Variants in NR2F1-AS1 observed in about 807,000 individuals in gnomAD.
NR2F1-AS1 encodes NR2F1 antisense RNA 1.
chr5:93,436,317 T>C (rs1258157971), intron 4 of NR2F1-AS1, among the ~76,000 whole-genome samples: 1 of 152,162 alleles, frequency 6.6e-6, no homozygotes, highest in East Asian at 1.9e-4. Flanking sequence ...AACTCACTTT[T>C]CCCTGAGAAC....
intron 4 of NR2F1-AS1, among the ~76,000 whole-genome samples, chr5:93,448,592 C>A (rs1749766948): frequency 6.6e-6 from 1 of 152,224 alleles, no homozygotes; most frequent in Non-Finnish European, 1.5e-5. Flanking sequence ...CATAATAAAG[C>A]ATTGGCTCAC....
intron 4 of NR2F1-AS1, among the ~76,000 whole-genome samples, chr5:93,510,605 AT>A: frequency 6.6e-6 from 1 of 152,142 alleles, no homozygotes; most frequent in East Asian, 1.9e-4. Flanking sequence ...TCCTCCAGCT[AT>A]TTTCTTTTAG....
chr5:93,544,002 A>G (rs1752017731), intron 4 of NR2F1-AS1: 1 of 152,232 alleles, frequency 6.6e-6, no homozygotes, highest in African/African-American at 2.4e-5. Flanking sequence ...AGTCATGGCC[A>G]CAGTTCAATG....
At chr5:93,411,020 C>A (rs1262348497) in intron 4 of NR2F1-AS1, 2 of 152,076 alleles carry the variant, frequency 1.3e-5, no homozygotes, top group African/African-American at 2.4e-5. Context: ...ACAGAATATA[C>A]TTTTCCATTC....
chr5:93,552,651 T>C (rs1215166611), intron 4 of NR2F1-AS1, among the ~76,000 whole-genome samples: 2 of 146,242 alleles, frequency 1.4e-5, no homozygotes, highest in Non-Finnish European at 3.0e-5. Context: ...AGAAGAAAAA[T>C]TGAAAGATAA....
chr5:93,549,264 G>A (rs918313084), intron 4 of NR2F1-AS1, among the ~76,000 whole-genome samples: 7 of 151,974 alleles, frequency 4.6e-5, no homozygotes, highest in Non-Finnish European at 8.8e-5. Context: ...TATTCTATAC[G>A]TTCATATAAA....
intron 4 of NR2F1-AS1, among the ~76,000 whole-genome samples, chr5:93,538,066 C>T (rs1209392678): frequency 6.6e-6 from 1 of 152,112 alleles, no homozygotes; most frequent in Non-Finnish European, 1.5e-5. Flanking sequence ...CTGTCTAGGG[C>T]TAGTTCCTTC....
At chr5:93,497,340 T>G (rs1162597118) in intron 4 of NR2F1-AS1, among the ~76,000 whole-genome samples, 2 of 152,174 alleles carry the variant, frequency 1.3e-5, no homozygotes, top group Non-Finnish European at 2.9e-5. Context: ...ACTCCCCTCA[T>G]CACCACAGCT....
chr5:93,583,293 CTCT>C (rs1341957065), upstream of NR2F1-AS1: 7 of 151,134 alleles, frequency 4.6e-5, no homozygotes, highest in Non-Finnish European at 1.0e-4. Flanking sequence ...CTCTCTCTCT[CTCT>C]TCTTCTCTTC....
At chr5:93,471,757 G>A (rs187791239) in intron 4 of NR2F1-AS1, among the ~76,000 whole-genome samples, 50 of 151,958 alleles carry the variant, frequency 3.3e-4, no homozygotes, top group Admixed American at 3.3e-3. Context: ...GTCATAAGTT[G>A]ATGACTGTAA....
At chr5:93,581,719 T>C (rs80173988), upstream of NR2F1-AS1, among the ~76,000 whole-genome samples, 9 of 60,652 alleles carry the variant, frequency 1.5e-4, no homozygotes, top group African/African-American at 7.5e-4. Context: ...TCTCTCTCTC[T>C]CTCTCTCTCT....
chr5:93,521,758 A>G (rs1751505564), intron 4 of NR2F1-AS1, among the ~76,000 whole-genome samples: 1 of 152,200 alleles, frequency 6.6e-6, no homozygotes, highest in African/African-American at 2.4e-5. Context: ...CTTATGCACT[A>G]TTGGTGGAAA....
intron 4 of NR2F1-AS1, among the ~76,000 whole-genome samples, chr5:93,426,973 T>C (rs1749208739): frequency 6.6e-6 from 1 of 152,188 alleles, no homozygotes; most frequent in African/African-American, 2.4e-5. Context: ...GGGACTTGCA[T>C]AATTTTTCTG....
chr5:93,478,537 G>T (rs1007266608), intron 4 of NR2F1-AS1, among the ~76,000 whole-genome samples: 3 of 152,134 alleles, frequency 2.0e-5, no homozygotes, highest in Admixed American at 2.0e-4. Flanking sequence ...CTGAGTAGCT[G>T]AGATTACAGG....
intron 4 of NR2F1-AS1, among the ~76,000 whole-genome samples, chr5:93,484,209 G>A (rs186872422): frequency 6.6e-6 from 1 of 152,110 alleles, no homozygotes; most frequent in African/African-American, 2.4e-5. Context: ...GAGAAAGATC[G>A]GGTTACCCAC....
intron 4 of NR2F1-AS1, among the ~76,000 whole-genome samples, chr5:93,522,735 T>C (rs1364170697): frequency 6.6e-6 from 1 of 150,534 alleles, no homozygotes; most frequent in Non-Finnish European, 1.5e-5. Context: ...ACCCAGGAAC[T>C]GCAAGGGGTC....
intron 4 of NR2F1-AS1, chr5:93,438,602 A>G (rs548653757): frequency 2.4e-4 from 37 of 152,362 alleles, no homozygotes; most frequent in Middle Eastern, 3.4e-3. Flanking sequence ...ACTTCACTCT[A>G]TTCTCCATAC....
intron 4 of NR2F1-AS1, among the ~76,000 whole-genome samples, chr5:93,425,554 A>T (rs575096716): frequency 6.6e-6 from 1 of 152,196 alleles, no homozygotes; most frequent in African/African-American, 2.4e-5. Flanking sequence ...CTGTTTTTAC[A>T]ATCAACCAAC....
rs944048769 is a variant in NR2F1-AS1, at chr5:93,510,503, C to T, written n.638+43258G>A. ...ATACATGATCGGCTAGTCAATGATCCATGGTTCTCAAAGAACCTCATTTTT... is the reference window on the plus strand; with the variant it reads ...ATACATGATCGGCTAGTCAATGATCTATGGTTCTCAAAGAACCTCATTTTT... On this transcript the variant is annotated intron_variant and non_coding_transcript_variant, in intron 4 of 5. Coordinates refer to ENST00000660523, the Ensembl canonical transcript of NR2F1-AS1. Among the ~76,000 whole-genome samples, 3 of 152,090 alleles carry T rather than the reference C, an allele frequency of 2.0e-5. No homozygotes were observed. The South Asian group carries it at 6.2e-4, about 32-fold the overall frequency.
Sources: allele counts gnomAD v4.1 joint callset (sites outside exome capture counted in the v4.1 genomes callset), GRCh38; gene constraint gnomAD v4.1.1; transcripts MANE v1.5; gene names NCBI Gene and HGNC (gene_info 2026-07-23, HGNC 2026-07-21).